Variants in HNF4G observed in about 807,000 individuals in gnomAD.
HNF4G encodes hepatocyte nuclear factor 4-gamma.
Under a neutral mutation model 50.9 loss-of-function variants are expected in HNF4G, and 21 were observed. The ratio of observed to expected loss-of-function variants is 0.41; its 90% confidence interval spans 0.29 to 0.59. HNF4G has a LOEUF of 0.59. HNF4G is among the 20% of genes least tolerant of loss of function. HNF4G has a pLI of 0.26. For missense variants in HNF4G, 527 were observed against 559.4 expected, an observed-to-expected ratio of 0.94 and a Z score of 0.58; for synonymous variants, 198 against 185.6, an observed-to-expected ratio of 1.07 and a Z score of -0.54.
chr8:75,415,354 A>G (rs1425562475), intron 1 of HNF4G, among the ~76,000 whole-genome samples: 1 of 152,144 alleles, frequency 6.6e-6, no homozygotes, highest in Non-Finnish European at 1.5e-5. Flanking sequence ...GGATTTGATC[A>G]AGAGAAAAAG....
upstream of HNF4G, among the ~76,000 whole-genome samples, chr8:75,535,444 A>G (rs1249285533): frequency 6.6e-6 from 1 of 151,712 alleles, no homozygotes; most frequent in Non-Finnish European, 1.5e-5. Context: ...TCTTCACTTA[A>G]TGGTTTCCTG....
chr8:75,545,240 T>TGTGTGTGTGG (rs1806740314), intron 2 of HNF4G, among the ~76,000 whole-genome samples: 1 of 21,386 alleles, frequency 4.7e-5, no homozygotes, highest in African/African-American at 1.8e-3. Context: ...TAAAATTGAA[T>TGTGTGTGTGG]GTGTGTGTGT....
At position 75,553,410 on chromosome 8, in the gene HNF4G, T is replaced by C. The variant is rs546431355; in HGVS notation, c.645+213T>C. Among the ~76,000 whole-genome samples, 33 of 152,272 alleles carry C rather than the reference T, an allele frequency of 2.2e-4. No individual in the cohort carries two copies. The South Asian group carries it at 5.6e-3, about 26-fold the overall frequency. ...CTATTTTAGGGGTGTAGCAAATTTA[T>C]TGATTGGACAAGAACTGAACAAAAC... On this transcript the variant is annotated intron_variant, in intron 5 of 9. Coordinates refer to ENST00000396423, the MANE Select transcript of HNF4G (RefSeq NM_004133.5).
intron 1 of HNF4G, among the ~76,000 whole-genome samples, chr8:75,451,722 A>C (rs1445012893): frequency 6.6e-6 from 1 of 152,226 alleles, no homozygotes; most frequent in Admixed American, 6.5e-5. Flanking sequence ...TTATGCCAGC[A>C]CCATGATGTT....
intron 1 of HNF4G, among the ~76,000 whole-genome samples, chr8:75,444,426 C>G (rs906513567): frequency 1.4e-5 from 2 of 147,006 alleles, no homozygotes; most frequent in African/African-American, 5.0e-5. Context: ...TCACACATAA[C>G]AATATTAACT....
At chr8:75,551,352 G>T in intron 3 of HNF4G, 36 bp from the exon 4 acceptor site, 1 of 1,178,016 alleles carries the variant, frequency 8.5e-7, no homozygotes, top group Non-Finnish European at 1.3e-6. Context: ...ACACTAAAGA[G>T]AAGTGCTCAA....
At chr8:75,415,589 T>C (rs1031951783) in intron 1 of HNF4G, among the ~76,000 whole-genome samples, 2 of 152,210 alleles carry the variant, frequency 1.3e-5, no homozygotes, top group Non-Finnish European at 2.9e-5. Flanking sequence ...TACTAAGAAT[T>C]GAGCATTGCA....
At chr8:75,509,669 G>C (rs1414203922) in intron 2 of HNF4G, among the ~76,000 whole-genome samples, 1 of 152,110 alleles carries the variant, frequency 6.6e-6, no homozygotes, top group East Asian at 1.9e-4. Flanking sequence ...GTCAACAGTG[G>C]ACCACATATA....
At chr8:75,446,869 C>T (rs1350181393) in intron 1 of HNF4G, among the ~76,000 whole-genome samples, 3 of 103,518 alleles carry the variant, frequency 2.9e-5, no homozygotes, top group Admixed American at 1.0e-4. Context: ...AGGTAATTTA[C>T]AGATTCAATG....
At chr8:75,419,036 C>T (rs2130483663) in intron 1 of HNF4G, among the ~76,000 whole-genome samples, 1 of 152,226 alleles carries the variant, frequency 6.6e-6, no homozygotes, top group African/African-American at 2.4e-5. Context: ...TGTGATAAGT[C>T]TCTTGTTTTT....
chr8:75,478,703 C>T (rs758692409), intron 1 of HNF4G, among the ~76,000 whole-genome samples: 6 of 152,040 alleles, frequency 3.9e-5, no homozygotes, highest in Non-Finnish European at 7.4e-5. Flanking sequence ...CTGGAGATAG[C>T]TACGCATCTT....
chr8:75,472,615 A>G (rs1257992515), intron 1 of HNF4G, among the ~76,000 whole-genome samples: 1 of 152,216 alleles, frequency 6.6e-6, no homozygotes, highest in African/African-American at 2.4e-5. Flanking sequence ...CTCTTGAAAG[A>G]TGTTACAGTC....
intron 2 of HNF4G, among the ~76,000 whole-genome samples, chr8:75,519,800 AGT>A (rs1440105702): frequency 2.0e-5 from 3 of 151,602 alleles, no homozygotes; most frequent in Non-Finnish European, 2.9e-5. Flanking sequence ...TTGTATTTAA[AGT>A]GTGGTTTTGT....
intron 6 of HNF4G, among the ~76,000 whole-genome samples, chr8:75,556,779 T>C (rs900028085): frequency 3.3e-5 from 5 of 152,202 alleles, no homozygotes; most frequent in African/African-American, 4.8e-5. Flanking sequence ...TTGTGCTAGA[T>C]GTTTTAGCCC....
chr8:75,409,480 C>CTTT (rs5892492), intron 1 of HNF4G, among the ~76,000 whole-genome samples: 1,174 of 67,332 alleles, frequency 0.017, 86 homozygotes, highest in African/African-American at 0.054. Flanking sequence ...GTGCCTTGTT[C>CTTT]TTTTTTTTTT....
intron 1 of HNF4G, among the ~76,000 whole-genome samples, chr8:75,432,294 A>T (rs1811033529): frequency 6.6e-6 from 1 of 151,802 alleles, no homozygotes; most frequent in African/African-American, 2.4e-5. Context: ...ATCAAAATAA[A>T]AAAAAAAAGA....
intron 2 of HNF4G, among the ~76,000 whole-genome samples, chr8:75,491,966 C>T (rs999024709): frequency 6.6e-6 from 1 of 152,224 alleles, no homozygotes; most frequent in Non-Finnish European, 1.5e-5. Context: ...TAGCCATAAG[C>T]TTGAAATCTG....
chr8:75,558,618 G>T lies in HNF4G; in HGVS notation c.834G>T (p.Gln278His), dbSNP rs1184908395. 1 of 1,614,020 alleles carries T rather than the reference G, an allele frequency of 6.2e-7. No individual in the cohort carries two copies. The highest frequency in any genetic ancestry group is 8.5e-7 in the Non-Finnish European group (1 of 1,179,940). Residue 278 changes from glutamine to histidine, a missense_variant, in exon 7 of 10, where the codon CAG becomes CAT. By Grantham distance (24) the Gln-to-His change is conservative. Around this residue, in one of 5 missense-constraint regions of HNF4G, gnomAD observed 308 missense variants for 301.5 expected, o/e 1.02. Transcript: ENST00000396423. ...TGGTTAGACCATTTCAAGAAATCCA[G>T]ATTGATGACAATGAGTATGCTTGTT... ...DELVRPFQEI[Q>H]IDDNEYACLK...
intron 1 of HNF4G, among the ~76,000 whole-genome samples, chr8:75,459,394 G>A (rs1271586369): frequency 1.3e-5 from 2 of 152,124 alleles, no homozygotes; most frequent in Admixed American, 1.3e-4. Flanking sequence ...TTCTCATTAT[G>A]TAGCAAAAAC....
Sources: gnomAD v4.1 joint callset for allele counts (sites outside exome capture counted in the v4.1 genomes callset) on GRCh38, gnomAD v4.1.1 for gene constraint, gnomAD v4.1.1 regional missense constraint, MANE v1.5 for transcripts, NCBI Gene and HGNC (gene_info 2026-07-23, HGNC 2026-07-21) for gene names.